DNAJC7: variants seen among roughly 807,000 people sequenced by gnomAD.
The protein encoded by DNAJC7 is DnaJ heat shock protein family (Hsp40) member C7, also known as dnaJ homolog subfamily C member 7.
In DNAJC7, 18 loss-of-function variants were observed where a neutral mutation model predicts 67.4. That is an observed-to-expected ratio of 0.27 (90% confidence interval 0.18 to 0.40). The LOEUF (loss-of-function observed/expected upper bound fraction) is 0.40, where lower values mean the gene tolerates loss of function less well. DNAJC7 is among the 10% of genes least tolerant of loss of function. The probability of loss-of-function intolerance (pLI) is 1.00; values close to 1 mark genes in which losing one functional copy is unlikely to be tolerated. For missense variants in DNAJC7, 419 were observed against 613.8 expected, an observed-to-expected ratio of 0.68 and a Z score of 3.35; for synonymous variants, 220 against 207.8, an observed-to-expected ratio of 1.06 and a Z score of -0.50.
chr17:42,000,460 G>C (rs782217857), intron 2 of DNAJC7, 22 bp downstream of exon 2: 1 of 1,541,768 alleles, frequency 6.5e-7, no homozygotes. Flanking sequence ...GTTTTCTAGC[G>C]TAAGTATCAG....
At chr17:41,986,046 T>TCAAAA in intron 9 of DNAJC7, 1 of 12,798 alleles carries the variant, frequency 7.8e-5, no homozygotes, top group Non-Finnish European at 2.8e-4. Context: ...GGGGGCTTGC[T>TCAAAA]TAAAAAAAAA....
At chr17:41,993,808 G>A (rs1283291504) in intron 5 of DNAJC7, among the ~76,000 whole-genome samples, 5 of 151,894 alleles carry the variant, frequency 3.3e-5, no homozygotes, top group Non-Finnish European at 7.4e-5. Context: ...AGGCCAAGGC[G>A]GGCAGATCAC....
At chr17:42,010,125 A>G (rs56157680) in intron 1 of DNAJC7, among the ~76,000 whole-genome samples, 1 of 151,570 alleles carries the variant, frequency 6.6e-6, no homozygotes, top group South Asian at 2.1e-4. Context: ...GCCTGGAGAC[A>G]CAGCAAGACT....
intron 2 of DNAJC7, among the ~76,000 whole-genome samples, chr17:41,997,528 T>G (rs2051693922): frequency 6.6e-6 from 1 of 151,680 alleles, no homozygotes; most frequent in African/African-American, 2.4e-5. Context: ...ATCTGGGAAG[T>G]GGAGGTTGCA....
At chr17:42,013,270 CAG>C (rs1440076816) in intron 1 of DNAJC7, 1 of 152,194 alleles carries the variant, frequency 6.6e-6, no homozygotes, top group Non-Finnish European at 1.5e-5. Flanking sequence ...GTAAGGGAAA[CAG>C]AACTTTGTCA....
intron 1 of DNAJC7, chr17:42,014,445 T>C (rs1555651544): frequency 6.6e-6 from 1 of 151,984 alleles, no homozygotes; most frequent in Non-Finnish European, 1.5e-5. Context: ...GGATTACAAG[T>C]GTGAGCCACT....
chr17:42,002,243 A>C (rs2051827105), intron 1 of DNAJC7, among the ~76,000 whole-genome samples: 1 of 152,212 alleles, frequency 6.6e-6, no homozygotes, highest in Non-Finnish European at 1.5e-5. Context: ...ATTCCAAAGT[A>C]AGACATTAGG....
At chr17:41,995,105 C>G in intron 4 of DNAJC7, 161 bp from the exon 5 acceptor site, 2 of 682,936 alleles carry the variant, frequency 2.9e-6, no homozygotes, top group South Asian at 1.7e-5. Flanking sequence ...TTGTGAATGG[C>G]CATTTTTATG....
intron 1 of DNAJC7, among the ~76,000 whole-genome samples, chr17:42,006,817 A>AAAAAAAAC (rs1567969054): frequency 8.1e-6 from 1 of 122,816 alleles, no homozygotes; most frequent in Non-Finnish European, 1.7e-5. Flanking sequence ...AAAAAAAAAA[A>AAAAAAAAC]AGTCCAGGCA....
intron 4 of DNAJC7, 118 bp from the exon 5 acceptor site, chr17:41,995,062 T>C (rs922593553): frequency 2.3e-6 from 2 of 864,890 alleles, no homozygotes; most frequent in Non-Finnish European, 3.8e-6. Context: ...ACTGCCTCTT[T>C]TGATAGAGAT....
At chr17:42,012,074 C>G (rs2052133129) in intron 1 of DNAJC7, among the ~76,000 whole-genome samples, 1 of 152,196 alleles carries the variant, frequency 6.6e-6, no homozygotes, top group Non-Finnish European at 1.5e-5. Context: ...TTTATCAGCT[C>G]AAGGAATCAG....
At chr17:42,015,641 G>C (rs562700158) in intron 1 of DNAJC7, 2 of 151,516 alleles carry the variant, frequency 1.3e-5, no homozygotes, top group South Asian at 2.1e-4. Context: ...TCAGGAGATC[G>C]AGACCATCGT....
chr17:41,988,029 A>G, intron 8 of DNAJC7, 119 bp from the exon 9 acceptor site: 1 of 791,150 alleles, frequency 1.3e-6, no homozygotes, highest in Non-Finnish European at 2.0e-6. Flanking sequence ...TAAATGTCAT[A>G]TTAAGTTCTA....
chr17:41,996,366 C>T lies in DNAJC7; in HGVS notation c.350G>A (p.Arg117His), dbSNP rs377248515. 18 of 1,613,960 alleles carry T rather than the reference C, an allele frequency of 1.1e-5. No homozygotes were observed. The highest frequency in any genetic ancestry group is 4.5e-5 in the East Asian group (2 of 44,884). ...CAGTTCTAGGGCTCTCTGGAAGCTG[C>T]GACATGCTGCCATGGCATTCCCCAG... ...LSLGNAMAAC[R>H]SFQRALELDH... The change falls in exon 4 of 14, where the codon CGC becomes CAC. Residue 117 changes from arginine to histidine, a missense_variant. Physicochemically the swap from Arg to His is conservative, Grantham distance 29. This residue lies in a region of DNAJC7 where 179 missense variants were observed against 249.7 expected (regional missense o/e 0.72). Transcript: ENST00000457167.
chr17:42,002,881 C>T (rs782162534), intron 1 of DNAJC7, among the ~76,000 whole-genome samples: 24 of 152,132 alleles, frequency 1.6e-4, no homozygotes, highest in Non-Finnish European at 2.6e-4. Flanking sequence ...GAACCAAAAT[C>T]GGTATTTAAA....
chr17:41,984,321 T>G (rs1205456394), intron 9 of DNAJC7: 1 of 147,542 alleles, frequency 6.8e-6, no homozygotes, highest in Admixed American at 6.7e-5. Context: ...TTTTTTTTTT[T>G]GAGATGGAGT....
At chr17:42,006,183 C>T (rs1220183918) in intron 1 of DNAJC7, among the ~76,000 whole-genome samples, 3 of 147,844 alleles carry the variant, frequency 2.0e-5, no homozygotes, top group Admixed American at 6.8e-5. Context: ...TGACCTCTGT[C>T]ACCTCTGTTA....
At chr17:41,986,742 G>C (rs1411990258) in intron 9 of DNAJC7, among the ~76,000 whole-genome samples, 3 of 152,108 alleles carry the variant, frequency 2.0e-5, no homozygotes, top group Non-Finnish European at 4.4e-5. Context: ...GTATGTTTCT[G>C]TTGGACAGAC....
chr17:41,984,759 C>T (rs2051335008), intron 9 of DNAJC7: 1 of 152,054 alleles, frequency 6.6e-6, no homozygotes, highest in South Asian at 2.1e-4. Context: ...GGGAAGTGAT[C>T]ATGCAGTACA....
Sources: gnomAD v4.1 joint callset for allele counts (sites outside exome capture counted in the v4.1 genomes callset) on GRCh38, gnomAD v4.1.1 for gene constraint, gnomAD v4.1.1 regional missense constraint, MANE v1.5 for transcripts, NCBI Gene and HGNC (gene_info 2026-07-23, HGNC 2026-07-21) for gene names.